The following EPS8 variants were observed in gnomAD, a reference collection of about 807,000 sequenced individuals.
The protein encoded by EPS8 is EGFR pathway substrate 8, signaling adaptor.
EPS8 carries 42 observed loss-of-function variants against 103.8 expected under a neutral mutation model. That is an observed-to-expected ratio of 0.40 (90% confidence interval 0.32 to 0.52). EPS8 has a LOEUF of 0.52. EPS8 is among the 20% of genes least tolerant of loss of function. The pLI is 0.40. For missense variants in EPS8, 969 were observed against 1,005.1 expected, an observed-to-expected ratio of 0.96 and a Z score of 0.49; for synonymous variants, 344 against 344.6, an observed-to-expected ratio of 1.00 and a Z score of 0.02.
chr12:15,737,747 T>C (rs1378995380), intron 1 of EPS8, among the ~76,000 whole-genome samples: 1 of 152,196 alleles, frequency 6.6e-6, no homozygotes. Flanking sequence ...TACTGTGTTG[T>C]AGAAAATATA....
chr12:15,746,839 C>A (rs1454210401), intron 1 of EPS8, among the ~76,000 whole-genome samples: 1 of 152,120 alleles, frequency 6.6e-6, no homozygotes, highest in Non-Finnish European at 1.5e-5. Flanking sequence ...CTACAAGCAT[C>A]CCCCTAAGCA....
At chr12:15,657,676 A>T (rs1945532028) in intron 12 of EPS8, among the ~76,000 whole-genome samples, 1 of 152,214 alleles carries the variant, frequency 6.6e-6, no homozygotes, top group Non-Finnish European at 1.5e-5. Flanking sequence ...TAAAAAGAAC[A>T]TGGGTCTCTG....
chr12:15,632,812 C>T (rs1408341357), intron 17 of EPS8, among the ~76,000 whole-genome samples: 3 of 152,076 alleles, frequency 2.0e-5, no homozygotes, highest in Non-Finnish European at 4.4e-5. Context: ...TCAAAAACAA[C>T]ACATCAACCT....
intron 12 of EPS8, among the ~76,000 whole-genome samples, chr12:15,657,190 C>A (rs897012452): frequency 1.3e-5 from 2 of 152,174 alleles, no homozygotes; most frequent in Non-Finnish European, 2.9e-5. Flanking sequence ...ATTCCAAGAA[C>A]ATGCTTTGCA....
intron 20 of EPS8, among the ~76,000 whole-genome samples, chr12:15,621,887 G>A (rs1421899894): frequency 6.6e-6 from 1 of 152,114 alleles, no homozygotes; most frequent in Non-Finnish European, 1.5e-5. Flanking sequence ...GACCATGCTG[G>A]CTTTTCTCCT....
At chr12:15,741,278 C>A (rs1946818981) in intron 1 of EPS8, among the ~76,000 whole-genome samples, 1 of 152,134 alleles carries the variant, frequency 6.6e-6, no homozygotes, top group Admixed American at 6.6e-5. Context: ...ATGTGCAGTC[C>A]TGCCTCCAGC....
chr12:15,692,247 A>G (rs1946182900), intron 1 of EPS8, among the ~76,000 whole-genome samples: 1 of 151,718 alleles, frequency 6.6e-6, no homozygotes, highest in South Asian at 2.1e-4. Context: ...ATGATGAAAA[A>G]TGTGTTTATT....
rs1460816586 is a variant in EPS8, at chr12:15,696,672, T to A, written c.-21-13700A>T. 1.3e-5 allele frequency among the ~76,000 whole-genome samples: 2 copies of A among 151,662 alleles called. No homozygotes were observed. The highest frequency in any genetic ancestry group is 2.9e-5 in the Non-Finnish European group (2 of 67,928). On this transcript the variant is annotated intron_variant, in intron 1 of 20. Transcript: ENST00000281172. This position sits in a 1 kb window ranked among gnomAD's most constrained non-coding sequence, Gnocchi z 4.8. Reference sequence around the variant, plus strand: ...AAAACAAAAACATGGACTTGATGAATCAGAAGGTCAGAGAAAAACACCTGA... The same window carrying A: ...AAAACAAAAACATGGACTTGATGAAACAGAAGGTCAGAGAAAAACACCTGA...
intron 1 of EPS8, among the ~76,000 whole-genome samples, chr12:15,763,432 G>C (rs1014427307): frequency 1.3e-5 from 2 of 152,158 alleles, no homozygotes; most frequent in African/African-American, 4.8e-5. Context: ...CACAGAAAGA[G>C]CCTGATCATT....
At chr12:15,670,295 T>C (rs1229538348) in intron 4 of EPS8, among the ~76,000 whole-genome samples, 1 of 152,132 alleles carries the variant, frequency 6.6e-6, no homozygotes. Context: ...TTCAATCCAC[T>C]AAAACCACTT....
At chr12:15,644,938 T>C (rs1369257400) in intron 15 of EPS8, among the ~76,000 whole-genome samples, 3 of 152,052 alleles carry the variant, frequency 2.0e-5, no homozygotes, top group Non-Finnish European at 4.4e-5. Flanking sequence ...CTATCCTAGC[T>C]CCTATTAAGT....
At chr12:15,732,849 G>A (rs1289328473) in intron 1 of EPS8, 2 of 616,518 alleles carry the variant, frequency 3.2e-6, no homozygotes, top group African/African-American at 4.0e-5. Context: ...TCATTGTTAA[G>A]GCTTTGAATA....
chr12:15,749,064 G>A lies in EPS8; in HGVS notation c.-22+40097C>T, dbSNP rs1310414059. Among the ~76,000 whole-genome samples, 1 of 152,036 alleles carries A rather than the reference G, an allele frequency of 6.6e-6. No individual in the cohort carries two copies. The highest frequency in any genetic ancestry group is 1.5e-5 in the Non-Finnish European group (1 of 68,000). ...ACTATTTTTGTCAAGATCCATCCTA[G>A]TGTTCTTTTGGAAGAGCTAAATGTA... On this transcript the variant is annotated intron_variant, in intron 1 of 20. Transcript: ENST00000281172. The surrounding 1 kb of genome is among the most constrained non-coding windows in gnomAD (Gnocchi z 4.0).
chr12:15,732,022 C>T (rs1467365274), intron 1 of EPS8, among the ~76,000 whole-genome samples: 1 of 152,104 alleles, frequency 6.6e-6, no homozygotes. Context: ...TAAATAACTG[C>T]CTACTCCTGA....
intron 1 of EPS8, among the ~76,000 whole-genome samples, chr12:15,719,120 G>A (rs144531632): frequency 2.6e-5 from 4 of 151,848 alleles, no homozygotes; most frequent in Admixed American, 2.0e-4. Context: ...AAAAATCAGG[G>A]GAAATGCCCA....
chr12:15,757,499 G>A lies in EPS8; in HGVS notation c.-22+31662C>T, dbSNP rs569519553. 7.1e-4 allele frequency among the ~76,000 whole-genome samples: 108 copies of A among 152,130 alleles called. No homozygotes were observed. The highest frequency in any genetic ancestry group is 1.3e-3 in the Non-Finnish European group (90 of 67,996). On this transcript the variant is annotated intron_variant, in intron 1 of 20. Coordinates refer to ENST00000281172, the MANE Select transcript of EPS8 (RefSeq NM_004447.6). This position sits in a 1 kb window ranked among gnomAD's most constrained non-coding sequence, Gnocchi z 4.1. ...ACAAAAATTAGCTAGGCGTGGTGGCGCATGCCTGTAATCCCAGTTGCTCAG... is the reference window on the plus strand; with the variant it reads ...ACAAAAATTAGCTAGGCGTGGTGGCACATGCCTGTAATCCCAGTTGCTCAG...
intron 1 of EPS8, among the ~76,000 whole-genome samples, chr12:15,708,877 G>A (rs1432994445): frequency 6.6e-6 from 1 of 152,150 alleles, no homozygotes; most frequent in African/African-American, 2.4e-5. Flanking sequence ...TCTTTCCCTA[G>A]TAAGAGCTGT....
Position 15,745,620 on chromosome 12 carries a change from GTGTAGCAA to G in EPS8, c.-22+43533_-22+43540del, listed in dbSNP as rs1946867684. On this transcript the variant is annotated intron_variant, in intron 1 of 20. Transcript: ENST00000281172. The surrounding 1 kb of genome is among the most constrained non-coding windows in gnomAD (Gnocchi z 4.6). ...AAATCACTTTTATTTTGTCAGGTGAGTGTAGCAATCATTGCTAGCAAAATATAGACCTC... is the reference window on the plus strand; with the variant it reads ...AAATCACTTTTATTTTGTCAGGTGAGTCATTGCTAGCAAAATATAGACCTC... Among the ~76,000 whole-genome samples, 1 of 151,608 alleles carries G rather than the reference GTGTAGCAA, an allele frequency of 6.6e-6. No homozygotes were observed. The highest frequency in any genetic ancestry group is 1.9e-4 in the East Asian group (1 of 5,184).
rs150834942 is a variant in EPS8 at position 15,626,738 on chromosome 12, A to T, written c.2045-2331T>A. 1.4e-3 allele frequency among the ~76,000 whole-genome samples: 205 copies of T among 150,804 alleles called. 1 individual carries two copies. The highest frequency in any genetic ancestry group is 4.8e-3 in the African/African-American group (196 of 41,036). On this transcript the variant is annotated intron_variant, in intron 18 of 20. Transcript: ENST00000281172. ...TAAAAGGCCCTACAAGACCTCCACC[A>T]CTCTAAAGCCACTCCACAACTCTTC...
Sources: allele counts gnomAD v4.1 joint callset (sites outside exome capture counted in the v4.1 genomes callset), GRCh38; gene constraint gnomAD v4.1.1; non-coding constraint Gnocchi (gnomAD v3.1); transcripts MANE v1.5; gene names NCBI Gene and HGNC (gene_info 2026-07-23, HGNC 2026-07-21).